LMNTD1: variants seen among roughly 807,000 people sequenced by gnomAD.
LMNTD1 encodes the protein lamin tail domain-containing protein 1.
In LMNTD1, 35 loss-of-function variants were observed where a neutral mutation model predicts 50.9. The ratio of observed to expected loss-of-function variants is 0.69; its 90% confidence interval spans 0.53 to 0.91. LMNTD1 has a LOEUF of 0.91. LMNTD1 is among the 40% of genes least tolerant of loss of function. LMNTD1 has a pLI of 0.00. For synonymous variants in LMNTD1, 153 were observed against 161.9 expected, an observed-to-expected ratio of 0.94 and a Z score of 0.42; for missense variants, 470 against 475.5, an observed-to-expected ratio of 0.99 and a Z score of 0.11.
intron 4 of LMNTD1, among the ~76,000 whole-genome samples, chr12:25,531,422 T>C (rs1942216093): frequency 6.6e-6 from 1 of 152,210 alleles, no homozygotes; most frequent in African/African-American, 2.4e-5. Flanking sequence ...GTCCCAATGT[T>C]TTCATTGGAT....
chr12:25,637,761 T>C (rs1414045277), intron 1 of LMNTD1, among the ~76,000 whole-genome samples: 1 of 152,014 alleles, frequency 6.6e-6, no homozygotes, highest in Non-Finnish European at 1.5e-5. Context: ...TAAAGATGGG[T>C]AAAGGATTTG....
chr12:25,620,883 C>T (rs148908291), intron 1 of LMNTD1, among the ~76,000 whole-genome samples: 166 of 152,274 alleles, frequency 1.1e-3, no homozygotes, highest in African/African-American at 3.8e-3. Flanking sequence ...CTATCATAAT[C>T]CCCACCAACA....
At chr12:25,581,804 A>AC (rs1945303607) in intron 1 of LMNTD1, among the ~76,000 whole-genome samples, 1 of 152,204 alleles carries the variant, frequency 6.6e-6, no homozygotes. Flanking sequence ...TAGGCTACAA[A>AC]CCTGTATAGC....
Position 25,645,873 on chromosome 12 carries a change from G to A in LMNTD1, c.58+2621C>T, listed in dbSNP as rs184375609. Among the ~76,000 whole-genome samples, 13 of 152,228 alleles carry A rather than the reference G, an allele frequency of 8.5e-5. No homozygotes were observed. The East Asian group carries it at 2.5e-3, about 29-fold the overall frequency. Reference sequence around the variant, plus strand: ...AGGTTCTCAGTAAATATTAATCACTGTGAAAATAAGGAGCCATGTCACTAC... The same window carrying A: ...AGGTTCTCAGTAAATATTAATCACTATGAAAATAAGGAGCCATGTCACTAC... On this transcript the variant is annotated intron_variant, in intron 1 of 7. Coordinates refer to the LMNTD1 transcript ENST00000445693.
chr12:25,539,614 A>G (rs998593928), intron 4 of LMNTD1, among the ~76,000 whole-genome samples: 43 of 152,052 alleles, frequency 2.8e-4, no homozygotes, highest in East Asian at 1.7e-3. Flanking sequence ...TGCCCACAAG[A>G]GAAAGCAGGA....
chr12:25,479,575 G>C (rs995123146), intron 9 of LMNTD1, among the ~76,000 whole-genome samples: 7 of 152,192 alleles, frequency 4.6e-5, no homozygotes, highest in Non-Finnish European at 1.0e-4. Flanking sequence ...TGAATTCCAT[G>C]AGCATGAGCC....
intron 4 of LMNTD1, among the ~76,000 whole-genome samples, chr12:25,545,608 C>G (rs1272875110): frequency 1.3e-5 from 2 of 151,536 alleles, no homozygotes; most frequent in Non-Finnish European, 3.0e-5. Flanking sequence ...TATTTTGTTC[C>G]AAACTGCTCA....
intron 1 of LMNTD1, among the ~76,000 whole-genome samples, chr12:25,611,251 TATG>T (rs907730694): frequency 2.0e-5 from 3 of 152,220 alleles, no homozygotes; most frequent in Admixed American, 2.0e-4. Context: ...GTTTAGGTGT[TATG>T]ATATGATTAG....
intron 1 of LMNTD1, among the ~76,000 whole-genome samples, chr12:25,600,938 C>T (rs1164324012): frequency 6.6e-6 from 1 of 151,916 alleles, no homozygotes; most frequent in African/African-American, 2.4e-5. Context: ...CCTAGCAATC[C>T]CACTGCTGAG....
chr12:25,505,637 A>C (rs968841343), intron 8 of LMNTD1, among the ~76,000 whole-genome samples: 1 of 142,274 alleles, frequency 7.0e-6, no homozygotes, highest in African/African-American at 2.7e-5. Context: ...TTTATATAAA[A>C]GTTTCTTTTG....
chr12:25,491,468 T>C (rs1938881617), intron 9 of LMNTD1, among the ~76,000 whole-genome samples: 1 of 152,190 alleles, frequency 6.6e-6, no homozygotes, highest in African/African-American at 2.4e-5. Context: ...AACGTGCCTG[T>C]ATGGGGAGAA....
At chr12:25,596,915 T>C (rs1261388804) in intron 1 of LMNTD1, among the ~76,000 whole-genome samples, 1 of 87,336 alleles carries the variant, frequency 1.1e-5, no homozygotes, top group East Asian at 3.8e-4. Flanking sequence ...ATTGGGGACA[T>C]AGTTAAGGCA....
At chr12:25,612,311 C>CAA (rs2136540036) in intron 1 of LMNTD1, among the ~76,000 whole-genome samples, 1 of 107,670 alleles carries the variant, frequency 9.3e-6, no homozygotes, top group Admixed American at 1.3e-4. Flanking sequence ...CACACACACA[C>CAA]ACACACACAC....
chr12:25,486,645 C>T (rs1938652995), intron 9 of LMNTD1, among the ~76,000 whole-genome samples: 1 of 150,066 alleles, frequency 6.7e-6, no homozygotes, highest in Non-Finnish European at 1.5e-5. Flanking sequence ...GTGGGTTTGT[C>T]ATAGATAGCT....
intron 9 of LMNTD1, among the ~76,000 whole-genome samples, chr12:25,502,439 G>C (rs1187741552): frequency 1.3e-5 from 2 of 152,196 alleles, no homozygotes; most frequent in Admixed American, 6.5e-5. Context: ...TCACCAGGTA[G>C]ACATAACTCA....
At chr12:25,610,426 C>T (rs1317201382) in intron 1 of LMNTD1, among the ~76,000 whole-genome samples, 5 of 152,168 alleles carry the variant, frequency 3.3e-5, no homozygotes, top group African/African-American at 1.2e-4. Context: ...GCATCAGTCA[C>T]ACTGAGAGCT....
chr12:25,518,764 C>A, intron 8 of LMNTD1, 31 bp downstream of exon 8: 1 of 1,607,790 alleles, frequency 6.2e-7, no homozygotes, highest in Middle Eastern at 1.7e-4. Context: ...CACACGCACT[C>A]TCCACTGGAA....
chr12:25,625,553 G>C (rs914359996), intron 1 of LMNTD1, among the ~76,000 whole-genome samples: 2 of 152,054 alleles, frequency 1.3e-5, no homozygotes, highest in African/African-American at 4.8e-5. Flanking sequence ...GTCTCTGGGG[G>C]GTTCTAGAAC....
intron 1 of LMNTD1, among the ~76,000 whole-genome samples, chr12:25,581,352 T>A (rs1241963378): frequency 6.6e-6 from 1 of 152,202 alleles, no homozygotes; most frequent in Non-Finnish European, 1.5e-5. Flanking sequence ...TGATAAAATG[T>A]GAGGAGCAAC....
Sources: gnomAD v4.1 joint callset for allele counts (sites outside exome capture counted in the v4.1 genomes callset) on GRCh38, gnomAD v4.1.1 for gene constraint, MANE v1.5 for transcripts, NCBI Gene and HGNC (gene_info 2026-07-23, HGNC 2026-07-21) for gene names.